ENPP7: variants seen among roughly 807,000 people sequenced by gnomAD.
ENPP7 encodes the protein ectonucleotide pyrophosphatase/phosphodiesterase 7.
Under a neutral mutation model 33.6 loss-of-function variants are expected in ENPP7, and 39 were observed. The ratio of observed to expected loss-of-function variants is 1.16; its 90% confidence interval spans 0.90 to 1.52. The LOEUF (loss-of-function observed/expected upper bound fraction) is 1.52, where lower values mean the gene tolerates loss of function less well. Among genes scored for constraint, ENPP7 ranks in the 40% most tolerant of loss-of-function variants. The pLI is 0.00. For missense variants in ENPP7, 594 were observed against 641.0 expected, an observed-to-expected ratio of 0.93 and a Z score of 0.79; for synonymous variants, 244 against 274.3, an observed-to-expected ratio of 0.89 and a Z score of 1.09.
At chr17:79,732,149 T>TATATATATATACAC (rs1171801654) in intron 1 of ENPP7, among the ~76,000 whole-genome samples, 6 of 34,130 alleles carry the variant, frequency 1.8e-4, no homozygotes, top group African/African-American at 6.1e-4. Flanking sequence ...TATATATATA[T>TATATATATATACAC]ACACACACAT....
rs1443197774 is a variant in ENPP7 at position 79,737,946 on chromosome 17, C to G, written c.1277C>G (p.Thr426Ser). Residue 426 changes from threonine (T) to serine (S), a missense_variant, in exon 5 of 6, where the codon ACT becomes AGT. Thr to Ser is a moderately conservative substitution (Grantham distance 58). This residue lies in a region of ENPP7 where 504 missense variants were observed against 512.8 expected (regional missense o/e 0.98). Transcript: ENST00000328313. This position sits in a 1 kb window ranked among gnomAD's most constrained non-coding sequence, Gnocchi z 5.5. ...ESALPPDGRP[T>S]LLPKGRSALP... The stretch of plus-strand genomic sequence containing the variant: ...GCTCTTCCGCCTGATGGAAGGCCTA[C>G]TCTCCTGCCCAAGGGAAGATCTGCT... 5 of 1,613,778 alleles carry G rather than the reference C, an allele frequency of 3.1e-6. No individual in the cohort carries two copies. The African/African-American group carries it at 6.7e-5, about 22-fold the overall frequency.
chr17:79,733,151 C>T (rs1436220136), intron 1 of ENPP7, among the ~76,000 whole-genome samples: 1 of 152,230 alleles, frequency 6.6e-6, no homozygotes, highest in African/African-American at 2.4e-5. Context: ...TTCCTGACGG[C>T]CGTGGAGGTC....
chr17:79,731,028 C>A lies in ENPP7; in HGVS notation c.-112C>A. ...TTCGACCCGGGGATGTGCACAGCCA[C>A]ATTCCAAAGGCGCACGGGATGAGAT... is the stretch of plus-strand genomic sequence containing the variant. On this transcript the variant is annotated 5_prime_UTR_variant, in exon 1 of 6. Transcript: ENST00000328313. The A allele has an allele frequency of 8.0e-7, 1 of 1,252,102 alleles. No individual in the cohort carries two copies. Among genetic ancestry groups the A allele is most frequent in the Non-Finnish European group, 1.1e-6 (1 of 926,496 alleles). The allele number at this position is 1,252,102 out of a possible 1,614,324, so 77.6% of individuals were successfully genotyped here.
Position 79,738,152 on chromosome 17 carries a change from G to C in ENPP7, c.*16+90G>C, listed in dbSNP as rs2094299431. ...TCCCAGCTACAGTCCTAGGCAACCA[G>C]AACAGAGCTGCCAGGCCCCGCCAAG... On this transcript the variant is annotated intron_variant, in intron 5 of 5. Coordinates refer to ENST00000328313, the MANE Select transcript of ENPP7 (RefSeq NM_178543.5). This position sits in a 1 kb window ranked among gnomAD's most constrained non-coding sequence, Gnocchi z 6.2. 2 of 1,383,526 alleles carry C rather than the reference G, an allele frequency of 1.4e-6. No homozygotes were observed. The highest frequency in any genetic ancestry group is 3.7e-5 in the Admixed American group (2 of 54,210). 85.7% of individuals were successfully genotyped at this position (1,383,526 alleles called of 1,614,324 possible). A position where few individuals can be genotyped will look rare whatever the true frequency, so the allele number is the denominator to read the frequency against.
At position 79,738,731 on chromosome 17, in the gene ENPP7, TG is replaced by T. The variant is rs2094300634; in HGVS notation, c.*16+672del. ...TCCAAGGACACGCATGGGGTGCGTT[TG>T]GGAGGAGAGCTCCGGGGCTGTGTTC... On this transcript the variant is annotated intron_variant, in intron 5 of 5. Coordinates refer to ENST00000328313, the MANE Select transcript of ENPP7 (RefSeq NM_178543.5). This position sits in a 1 kb window ranked among gnomAD's most constrained non-coding sequence, Gnocchi z 6.2. The T allele has an allele frequency of 6.6e-6, 1 of 152,098 alleles. No individual in the cohort carries two copies. Among genetic ancestry groups the T allele is most frequent in the African/African-American group, 2.4e-5 (1 of 41,382 alleles). 9.4% of individuals were successfully genotyped at this position (152,098 alleles called of 1,614,324 possible).
rs1568484554 is a variant in ENPP7 at position 79,730,989 on chromosome 17, G to A, written c.-151G>A. 1.1e-5 allele frequency: 9 copies of A among 787,994 alleles called. No homozygotes were observed. The highest frequency in any genetic ancestry group is 1.8e-5 in the Non-Finnish European group (9 of 510,018). The allele number at this position is 787,994 out of a possible 1,614,324, so 48.8% of individuals were successfully genotyped here. A position where few individuals can be genotyped will look rare whatever the true frequency, so the allele number is the denominator to read the frequency against. On this transcript the variant is annotated 5_prime_UTR_variant, in exon 1 of 6. Transcript: ENST00000328313. ...GGGGTGGCACTGACACGGCTGGGGA[G>A]CCCACTCCCGAGGTTCGACCCGGGG... is the stretch of plus-strand genomic sequence containing the variant.
rs572280432 is a variant in ENPP7 at position 79,731,155 on chromosome 17, G to A, written c.16G>A (p.Val6Ile). ...AAGGCCCAGCATGAGAGGCCCGGCC[G>A]TCCTCCTCACTGTGGCTCTGGCCAC... is the stretch of plus-strand genomic sequence containing the variant. Reference protein sequence around the residue: MRGPAVLLTVALATLL... With the variant: MRGPAILLTVALATLL... Residue 6 changes from valine (V) to isoleucine (I), a missense_variant, in exon 1 of 6, where the codon GTC becomes ATC. By Grantham distance (29) the Val-to-Ile change is conservative. Around this residue, in one of 3 missense-constraint regions of ENPP7, gnomAD observed 85 missense variants for 111.3 expected, o/e 0.76. Coordinates refer to ENST00000328313, the MANE Select transcript of ENPP7 (RefSeq NM_178543.5). The A allele has an allele frequency of 8.1e-5, 130 of 1,609,256 alleles. No homozygotes were observed. The highest frequency in any genetic ancestry group is 4.3e-4 in the Middle Eastern group (2 of 4,688).
chr17:79,733,979 T>C (rs552646374), intron 2 of ENPP7, among the ~76,000 whole-genome samples: 20 of 152,272 alleles, frequency 1.3e-4, no homozygotes, highest in African/African-American at 3.6e-4. Flanking sequence ...CCCTGCAGCA[T>C]TGGGGGTGAG....
chr17:79,737,054 A>G lies in ENPP7; in HGVS notation c.1040A>G (p.Gln347Arg), dbSNP rs367729149. The change falls in exon 4 of 6, where the codon CAG (glutamine) becomes CGG (arginine). Residue 347 changes from glutamine to arginine, a missense_variant. Gln to Arg is a conservative substitution (Grantham distance 43, BLOSUM62 1). Transcript: ENST00000328313. This position sits in a 1 kb window ranked among gnomAD's most constrained non-coding sequence, Gnocchi z 5.5. ...GCTCCCCGGCAGAGAATTAACGTCC[A>G]GTTCAACAATGGGGAGCACGGCTTT... is the stretch of plus-strand genomic sequence containing the variant. ...GYVIHGRINV[Q>R]FNNGEHGFDN... The G allele has an allele frequency of 2.1e-5, 34 of 1,613,984 alleles. No individual in the cohort carries two copies. The African/African-American group carries it at 4.3e-4, about 20-fold the overall frequency.
intron 1 of ENPP7, among the ~76,000 whole-genome samples, chr17:79,732,129 T>TATATATACATATATACACAC (rs1401531400): frequency 1.4e-4 from 3 of 21,500 alleles, no homozygotes; most frequent in African/African-American, 3.6e-4. Flanking sequence ...TACATATATA[T>TATATATACATATATACACAC]ATGTATATAT....
intron 3 of ENPP7, 103 bp from the exon 4 acceptor site, chr17:79,736,938 T>A (rs1041587641): frequency 3.4e-6 from 3 of 892,682 alleles, no homozygotes; most frequent in African/African-American, 3.3e-5. Context: ...AGCCCTCACG[T>A]TGGTGCTCCT....
chr17:79,738,015 G>T lies in ENPP7; in HGVS notation c.1346G>T (p.Gly449Val). ...CCCCTCCTCGTGATGGGACTGCTGGGGACCGTGATTCTTCTGTCTGAGGTC... is the reference window on the plus strand; with the variant it reads ...CCCCTCCTCGTGATGGGACTGCTGGTGACCGTGATTCTTCTGTCTGAGGTC... ...SRPLLVMGLLGTVILLSEVA is the reference protein window; with the variant it reads ...SRPLLVMGLLVTVILLSEVA Residue 449 changes from glycine (G) to valine (V), a missense_variant, in exon 5 of 6, where the codon GGG (glycine) becomes GTG (valine). By Grantham distance (109) the Gly-to-Val change is moderately radical. This residue lies in a region of ENPP7 where 504 missense variants were observed against 512.8 expected (regional missense o/e 0.98). Transcript: ENST00000328313. The surrounding 1 kb of genome is among the most constrained non-coding windows in gnomAD (Gnocchi z 6.2). 6.2e-7 allele frequency: 1 copy of T among 1,613,010 alleles called. No individual in the cohort carries two copies. The highest frequency in any genetic ancestry group is 1.1e-5 in the South Asian group (1 of 91,084).
rs2094298073 is a variant in ENPP7 at position 79,737,465 on chromosome 17, C to CGAGGGGGAG, written c.1246+209_1246+217dup. On this transcript the variant is annotated intron_variant, in intron 4 of 5. Coordinates refer to ENST00000328313, the MANE Select transcript of ENPP7 (RefSeq NM_178543.5). The surrounding 1 kb of genome is among the most constrained non-coding windows in gnomAD (Gnocchi z 5.5). ...ATGCATCTCGGGCGGCACGAGAGGG[C>CGAGGGGGAG]GAGGGGGAGGAGTGGGCAGTCTTGC... 6.6e-6 allele frequency among the ~76,000 whole-genome samples: 1 copy of CGAGGGGGAG among 152,166 alleles called. No individual in the cohort carries two copies. The highest frequency in any genetic ancestry group is 1.5e-5 in the Non-Finnish European group (1 of 68,000).
In ENPP7 at chr17:79,737,184, C is replaced by T; in HGVS notation, c.1170C>T (p.Leu390=). The change falls in exon 4 of 6, where the codon CTC becomes CTT. Residue 390 remains leucine, a synonymous_variant. Coordinates refer to ENST00000328313, the MANE Select transcript of ENPP7 (RefSeq NM_178543.5). This position sits in a 1 kb window ranked among gnomAD's most constrained non-coding sequence, Gnocchi z 5.5. The part of the protein sequence containing the change: ...EPFESVHVYE[L]MCRLLGIVPE... ...TTGAGAGCGTCCACGTGTACGAGCT[C>T]ATGTGCCGGCTGCTGGGCATCGTGC... The T allele has an allele frequency of 6.2e-7, 1 of 1,613,522 alleles. No individual in the cohort carries two copies. The highest frequency in any genetic ancestry group is 8.5e-7 in the Non-Finnish European group (1 of 1,180,038).
intron 5 of ENPP7, among the ~76,000 whole-genome samples, chr17:79,740,444 A>G (rs185308020): frequency 2.1e-4 from 32 of 152,236 alleles, no homozygotes; most frequent in African/African-American, 7.2e-4. Flanking sequence ...CCTGGTCCCG[A>G]GTACTTTCAG....
chr17:79,732,136 A>ATATATATATATACACACATATATATG (rs1555822678), intron 1 of ENPP7, among the ~76,000 whole-genome samples: 4 of 47,024 alleles, frequency 8.5e-5, no homozygotes, highest in African/African-American at 1.3e-4. Flanking sequence ...ATATATGTAT[A>ATATATATATATACACACATATATATG]TATATATATA....
rs1468796360 is a variant in ENPP7, at chr17:79,735,975, T to C, written c.1026+306T>C. On this transcript the variant is annotated intron_variant, in intron 3 of 5. Transcript: ENST00000328313. The surrounding 1 kb of genome is among the most constrained non-coding windows in gnomAD (Gnocchi z 5.5). ...TCCAGGCTGGAGGGTAATGGTGCCATCTTGGCTCGCTGCATCCTCCACCTC... is the reference window on the plus strand; with the variant it reads ...TCCAGGCTGGAGGGTAATGGTGCCACCTTGGCTCGCTGCATCCTCCACCTC... Among the ~76,000 whole-genome samples the C allele has an allele frequency of 1.3e-5, 2 of 152,218 alleles. No homozygotes were observed. The highest frequency in any genetic ancestry group is 1.3e-4 in the Admixed American group (2 of 15,286).
rs555200389 is a variant in ENPP7 at position 79,731,462 on chromosome 17, C to T, written c.253+70C>T. On this transcript the variant is annotated intron_variant, in intron 1 of 5. Transcript: ENST00000328313. The stretch of plus-strand genomic sequence containing the variant: ...GAAACCAGATGGCACAGAGCCGTGT[C>T]GTGCAGGATAAAGGGGAGAGGTCCT... 293 of 1,523,812 alleles carry T rather than the reference C, an allele frequency of 1.9e-4. 2 individuals carry two copies. The South Asian group carries it at 3.2e-3, about 17-fold the overall frequency. 94.4% of individuals were successfully genotyped at this position (1,523,812 alleles called of 1,614,324 possible).
Position 79,733,602 on chromosome 17 carries a change from G to C in ENPP7, c.348G>C (p.Gln116His). ...CCTACCACGCCACGCTGGGCATCCA[G>C]AGGTGGTGGGACAACGGCAGCGTGC... The part of the protein sequence containing the change: ...KLPYHATLGI[Q>H]RWWDNGSVPI... The change falls in exon 2 of 6, where the codon CAG becomes CAC. Residue 116 changes from glutamine to histidine, a missense_variant. Coordinates refer to ENST00000328313, the MANE Select transcript of ENPP7 (RefSeq NM_178543.5). The C allele has an allele frequency of 6.2e-7, 1 of 1,613,428 alleles. No homozygotes were observed. The highest frequency in any genetic ancestry group is 1.7e-4 in the Middle Eastern group (1 of 5,942).
Sources: gnomAD v4.1 joint callset for allele counts (sites outside exome capture counted in the v4.1 genomes callset) on GRCh38, gnomAD v4.1.1 for gene constraint, gnomAD v4.1.1 regional missense constraint, Gnocchi (gnomAD v3.1) non-coding constraint, MANE v1.5 for transcripts, NCBI Gene and HGNC (gene_info 2026-07-23, HGNC 2026-07-21) for gene names.